The following DEFB107B variants were observed in gnomAD, a reference collection of about 807,000 sequenced individuals.
The protein encoded by DEFB107B is beta-defensin 107.
chr8:7,499,232 C>T (rs188337847), intron 1 of DEFB107B, among the ~76,000 whole-genome samples: 3,557 of 18,406 alleles, frequency 0.19, 875 homozygotes, highest in Non-Finnish European at 0.35. Context: ...AAAAATCTGA[C>T]GTATTCCAGT....
intron 1 of DEFB107B, among the ~76,000 whole-genome samples, chr8:7,497,080 T>G (rs1811781246): frequency 1.4e-5 from 2 of 145,698 alleles, no homozygotes; most frequent in Non-Finnish European, 3.0e-5. Flanking sequence ...TCTACATTCC[T>G]TTATTACACA....
intron 1 of DEFB107B, among the ~76,000 whole-genome samples, chr8:7,496,331 G>A (rs1295398353): frequency 4.7e-5 from 2 of 42,918 alleles, no homozygotes; most frequent in African/African-American, 1.0e-4. Context: ...ACGGAGTCTC[G>A]CGCTGTCGCC....
chr8:7,508,081 A>ATGTGTG (rs72329447), intron 1 of DEFB107B, among the ~76,000 whole-genome samples: 11,492 of 39,818 alleles, frequency 0.29, 830 homozygotes, highest in Non-Finnish European at 0.34. Flanking sequence ...ATATATATAT[A>ATGTGTG]TATGTGTGTG....
intron 1 of DEFB107B, among the ~76,000 whole-genome samples, chr8:7,497,409 G>A: frequency 6.6e-6 from 1 of 151,932 alleles, no homozygotes; most frequent in East Asian, 1.9e-4. Context: ...AAATTATAAA[G>A]AGAAGTCATA....
At chr8:7,508,083 A>ATATGTGTGTGTG (rs1554551694) in intron 1 of DEFB107B, among the ~76,000 whole-genome samples, 5 of 42,774 alleles carry the variant, frequency 1.2e-4, no homozygotes, top group African/African-American at 4.0e-4. Context: ...ATATATATAT[A>ATATGTGTGTGTG]TGTGTGTGTG....
At chr8:7,496,597 G>A (rs1393902587) in intron 1 of DEFB107B, among the ~76,000 whole-genome samples, 3 of 144,774 alleles carry the variant, frequency 2.1e-5, no homozygotes, top group African/African-American at 7.7e-5. Context: ...ACCGCGCCTG[G>A]CCAGCATATT....
chr8:7,497,543 A>G (rs1251353126), intron 1 of DEFB107B, among the ~76,000 whole-genome samples: 2 of 152,116 alleles, frequency 1.3e-5, no homozygotes, highest in Non-Finnish European at 1.5e-5. Flanking sequence ...CAATGTCCCC[A>G]TGAAAGTTTC....
intron 1 of DEFB107B, among the ~76,000 whole-genome samples, chr8:7,507,840 G>C (rs1811976099): frequency 1.4e-5 from 2 of 144,580 alleles, no homozygotes; most frequent in South Asian, 4.3e-4. Flanking sequence ...GAGCTGATGT[G>C]ATTAGCTAAG....
Position 7,497,296 on chromosome 8 carries a change from C to G in DEFB107B, c.70+1293C>G, listed in dbSNP as rs372797669. On this transcript the variant is annotated intron_variant, in intron 1 of 1. Transcript: ENST00000355602. ...TAGGTTGCTTGTAGTGGTAAATAAG[C>G]TTTCAATACATTTAACATGTATAAG... is the stretch of plus-strand genomic sequence containing the variant. Among the ~76,000 whole-genome samples, 1,269 of 149,498 alleles carry G rather than the reference C, an allele frequency of 8.5e-3. 4 individuals are homozygous for G. The highest frequency in any genetic ancestry group is 0.013 in the Non-Finnish European group (868 of 66,160).
rs1317262661 is a variant in DEFB107B at position 7,506,430 on chromosome 8, C to T, written c.71-2651C>T. On this transcript the variant is annotated intron_variant, in intron 1 of 1. Coordinates refer to ENST00000355602, the MANE Select transcript of DEFB107B (RefSeq NM_001040705.2). ...TGTGGGTGTTTCTTGTAAGGTGGGA[C>T]GAGAGATTTGGAAAAGAAAAAGACA... 8.1e-4 allele frequency among the ~76,000 whole-genome samples: 12 copies of T among 14,784 alleles called. 4 individuals carry two copies. The highest frequency in any genetic ancestry group is 5.6e-3 in the South Asian group (3 of 534). The allele number at this position is 14,784 out of a possible 152,430, so 9.7% of individuals were successfully genotyped here. A position where few individuals can be genotyped will look rare whatever the true frequency, so the allele number is the denominator to read the frequency against.
rs1232575375 is a variant in DEFB107B, at chr8:7,502,440, G to A, written c.70+6437G>A. ...TGATACCTGTTGGAGAATGTGCAGT[G>A]GCAAAAATCAAAAGTTGGAGTGGGG... On this transcript the variant is annotated intron_variant, in intron 1 of 1. Transcript: ENST00000355602. Among the ~76,000 whole-genome samples the A allele has an allele frequency of 9.0e-5, 2 of 22,208 alleles. 1 individual carries two copies. The highest frequency in any genetic ancestry group is 3.7e-4 in the Non-Finnish European group (2 of 5,402). 14.6% of individuals were successfully genotyped at this position (22,208 alleles called of 152,430 possible).
intron 1 of DEFB107B, among the ~76,000 whole-genome samples, chr8:7,496,400 T>G (rs1458210814): frequency 7.5e-6 from 1 of 132,948 alleles, no homozygotes; most frequent in Non-Finnish European, 1.6e-5. Flanking sequence ...CCCAGGTTCA[T>G]GCCATTCTCC....
intron 1 of DEFB107B, among the ~76,000 whole-genome samples, chr8:7,507,476 T>C (rs1316905554): frequency 5.0e-5 from 4 of 80,072 alleles, no homozygotes; most frequent in Middle Eastern, 4.7e-3. Flanking sequence ...TGAAGATGAA[T>C]AAACTTGTTA....
chr8:7,497,390 A>G (rs1281944712), intron 1 of DEFB107B, among the ~76,000 whole-genome samples: 2 of 152,218 alleles, frequency 1.3e-5, no homozygotes, highest in African/African-American at 4.8e-5. Context: ...CAAGTGCCAT[A>G]AAAGATGCAA....
intron 1 of DEFB107B, among the ~76,000 whole-genome samples, chr8:7,496,287 A>T (rs1215478548): frequency 6.2e-4 from 46 of 74,222 alleles, no homozygotes; most frequent in Non-Finnish European, 8.4e-4. Flanking sequence ...GGTTCAGCAT[A>T]TTCTTTTTTT....
intron 1 of DEFB107B, among the ~76,000 whole-genome samples, chr8:7,499,239 C>A (rs370771279): frequency 2.4e-4 from 6 of 24,984 alleles, no homozygotes; most frequent in Admixed American, 5.3e-4. Context: ...TGACGTATTC[C>A]AGTCACACTG....
rs536451193 is a variant in DEFB107B at position 7,497,283 on chromosome 8, A to G, written c.70+1280A>G. Among the ~76,000 whole-genome samples, 23 of 152,334 alleles carry G rather than the reference A, an allele frequency of 1.5e-4. No homozygotes were observed. In the South Asian group the frequency reaches 4.8e-3, roughly 32 times the overall value. ...TGTTGTTCGAAAATAGGTTGCTTGT[A>G]GTGGTAAATAAGCTTTCAATACATT... is the stretch of plus-strand genomic sequence containing the variant. On this transcript the variant is annotated intron_variant, in intron 1 of 1. Coordinates refer to ENST00000355602, the MANE Select transcript of DEFB107B (RefSeq NM_001040705.2).
intron 1 of DEFB107B, among the ~76,000 whole-genome samples, chr8:7,496,273 C>A (rs1229520232): frequency 1.6e-5 from 2 of 126,482 alleles, no homozygotes; most frequent in Non-Finnish European, 3.3e-5. Context: ...TAATCTGCAA[C>A]GCAGGTTCAG....
intron 1 of DEFB107B, among the ~76,000 whole-genome samples, chr8:7,496,413 C>G (rs1161878125): frequency 7.0e-6 from 1 of 142,350 alleles, no homozygotes; most frequent in African/African-American, 2.6e-5. Flanking sequence ...CATTCTCCTG[C>G]CTCAGCCTCC....
Sources: allele counts gnomAD v4.1 joint callset (sites outside exome capture counted in the v4.1 genomes callset), GRCh38; gene constraint gnomAD v4.1.1; transcripts MANE v1.5; gene names NCBI Gene and HGNC (gene_info 2026-07-23, HGNC 2026-07-21).